ELP4: variants seen among roughly 807,000 people sequenced by gnomAD.
ELP4 encodes the protein elongator complex protein 4.
In ELP4, 51 loss-of-function variants were observed where a neutral mutation model predicts 48.9. The ratio of observed to expected loss-of-function variants is 1.04; its 90% confidence interval spans 0.83 to 1.32. The LOEUF (loss-of-function observed/expected upper bound fraction) is 1.32. Ranked by LOEUF, ELP4 falls within the 40% of genes most tolerant of loss-of-function variation. The pLI, the probability that ELP4 is intolerant of heterozygous loss-of-function variation, is 0.00. For missense variants in ELP4, 519 were observed against 514.6 expected (o/e 1.01, Z -0.08); for synonymous variants, 210 against 189.2 (o/e 1.11, Z -0.90).
intron 7 of ELP4, among the ~76,000 whole-genome samples, chr11:31,639,163 T>C (rs572127194): frequency 1.3e-5 from 2 of 151,962 alleles, no homozygotes; most frequent in South Asian, 4.1e-4. Flanking sequence ...ATGAATTCTT[T>C]TCTTAATCAG....
In ELP4 at chr11:31,761,146, C is replaced by T. The variant is rs559459073; in HGVS notation, c.1144-22247C>T. On this transcript the variant is annotated intron_variant, in intron 9 of 9. Coordinates refer to ENST00000640961, the MANE Select transcript of ELP4 (RefSeq NM_019040.5). ...GGAGGCCAAGGCAGGGGGATCGCTTCGGCAACATGGCAAGACCCTGTCTCT... is the reference window on the plus strand; with the variant it reads ...GGAGGCCAAGGCAGGGGGATCGCTTTGGCAACATGGCAAGACCCTGTCTCT... Among the ~76,000 whole-genome samples, 12 of 152,038 alleles carry T rather than the reference C, an allele frequency of 7.9e-5. No individual in the cohort carries two copies. The East Asian group carries it at 1.4e-3, about 17-fold the overall frequency.
At chr11:31,569,349 T>C (rs1339254743) in intron 3 of ELP4, among the ~76,000 whole-genome samples, 2 of 152,342 alleles carry the variant, frequency 1.3e-5, no homozygotes, top group African/African-American at 4.8e-5. Flanking sequence ...AAACTGTGCA[T>C]CTGACACAGG....
chr11:31,548,016 A>C (rs372713489), intron 3 of ELP4, among the ~76,000 whole-genome samples: 270 of 152,290 alleles, frequency 1.8e-3, no homozygotes, highest in Admixed American at 2.8e-3. Context: ...TATGACAAAC[A>C]CACAGCCAAT....
chr11:31,632,522 T>C (rs1401783386), intron 7 of ELP4, 117 bp downstream of exon 7: 12 of 763,520 alleles, frequency 1.6e-5, no homozygotes, highest in Non-Finnish European at 2.2e-5. Flanking sequence ...AGGTGCTTTC[T>C]GGCCATTTGC....
At chr11:31,535,078 A>T (rs1956477948) in intron 2 of ELP4, among the ~76,000 whole-genome samples, 1 of 152,230 alleles carries the variant, frequency 6.6e-6, no homozygotes, top group African/African-American at 2.4e-5. Context: ...TAAAATTCTC[A>T]TAAAATGTCC....
intron 9 of ELP4, among the ~76,000 whole-genome samples, chr11:31,675,181 G>T (rs1046211344): frequency 6.6e-6 from 1 of 152,178 alleles, no homozygotes; most frequent in African/African-American, 2.4e-5. Flanking sequence ...GCAGGACAGG[G>T]AAGAGATTGT....
chr11:31,717,254 C>T (rs1946860900), intron 9 of ELP4, among the ~76,000 whole-genome samples: 1 of 152,152 alleles, frequency 6.6e-6, no homozygotes, highest in South Asian at 2.1e-4. Context: ...CCCACTGAAA[C>T]GTAGCATTTT....
intron 9 of ELP4, among the ~76,000 whole-genome samples, chr11:31,667,500 A>G (rs1945705884): frequency 6.6e-6 from 1 of 152,172 alleles, no homozygotes; most frequent in African/African-American, 2.4e-5. Context: ...GATGTAACAT[A>G]ATTTATTTTT....
intron 9 of ELP4, among the ~76,000 whole-genome samples, chr11:31,761,663 C>T (rs998727472): frequency 2.0e-5 from 3 of 152,070 alleles, no homozygotes; most frequent in African/African-American, 7.2e-5. Context: ...GAAATGAGAA[C>T]ATAAGTTCAT....
chr11:31,761,967 A>G (rs759481860), intron 9 of ELP4: 4 of 152,372 alleles, frequency 2.6e-5, no homozygotes, highest in Non-Finnish European at 4.4e-5. Context: ...GATTTAAGTA[A>G]TAAGTGGCGA....
intron 1 of ELP4, among the ~76,000 whole-genome samples, chr11:31,515,941 G>GCTA (rs1956103899): frequency 6.6e-6 from 1 of 151,990 alleles, no homozygotes; most frequent in South Asian, 2.1e-4. Flanking sequence ...AAACCCCGTC[G>GCTA]CTACTAAAAA....
chr11:31,527,391 CT>C (rs1359086344), intron 2 of ELP4, among the ~76,000 whole-genome samples: 1 of 151,996 alleles, frequency 6.6e-6, no homozygotes, highest in Non-Finnish European at 1.5e-5. Context: ...ATTTAACCCC[CT>C]ATTCAACATT....
chr11:31,626,781 C>T (rs1412079111), intron 5 of ELP4, among the ~76,000 whole-genome samples: 1 of 151,792 alleles, frequency 6.6e-6, no homozygotes, highest in Non-Finnish European at 1.5e-5. Flanking sequence ...TCCTGAAAAT[C>T]TATAGTGGCT....
intron 9 of ELP4, among the ~76,000 whole-genome samples, chr11:31,667,592 T>C (rs1945707800): frequency 6.6e-6 from 1 of 152,170 alleles, no homozygotes; most frequent in African/African-American, 2.4e-5. Flanking sequence ...CCATGTAAGA[T>C]TTAGGTAACA....
chr11:31,660,724 C>G (rs1370720318), intron 9 of ELP4, among the ~76,000 whole-genome samples: 1 of 151,846 alleles, frequency 6.6e-6, no homozygotes, highest in African/African-American at 2.4e-5. Context: ...CTCTCCTTTA[C>G]CATAAAACTA....
intron 9 of ELP4, among the ~76,000 whole-genome samples, chr11:31,686,037 C>CA (rs1946153517): frequency 1.3e-5 from 2 of 151,856 alleles, no homozygotes; most frequent in Admixed American, 1.3e-4. Flanking sequence ...AAGGGGTTAT[C>CA]ACACAACTTC....
At chr11:31,537,639 A>G (rs1186001488) in intron 2 of ELP4, among the ~76,000 whole-genome samples, 6 of 152,200 alleles carry the variant, frequency 3.9e-5, no homozygotes, top group Non-Finnish European at 4.4e-5. Context: ...GGCACATCTC[A>G]CATGGCAGGA....
At position 31,659,590 on chromosome 11, in the gene ELP4, T is replaced by C. The variant is rs543820942; in HGVS notation, c.1143+9369T>C. On this transcript the variant is annotated intron_variant, in intron 9 of 9. Coordinates refer to ENST00000640961, the MANE Select transcript of ELP4 (RefSeq NM_019040.5). ...ATGATATTTGGAATGTATTTGGGTG[T>C]TTTTTAAGGTATAGGATTCTTCATT... Among the ~76,000 whole-genome samples, 6 of 152,234 alleles carry C rather than the reference T, an allele frequency of 3.9e-5. No individual in the cohort carries two copies. The South Asian group carries it at 1.2e-3, about 32-fold the overall frequency.
chr11:31,711,317 C>G (rs1946739340), intron 9 of ELP4, among the ~76,000 whole-genome samples: 1 of 152,092 alleles, frequency 6.6e-6, no homozygotes, highest in Admixed American at 6.6e-5. Flanking sequence ...CACAGAAGAG[C>G]CATAGACAAA....
Sources: allele counts gnomAD v4.1 joint callset (sites outside exome capture counted in the v4.1 genomes callset), GRCh38; gene constraint gnomAD v4.1.1; transcripts MANE v1.5; gene names NCBI Gene and HGNC (gene_info 2026-07-23, HGNC 2026-07-21).